Variants in OSBPL10 observed in about 807,000 individuals in gnomAD.
The protein encoded by OSBPL10 is oxysterol-binding protein-related protein 10.
Under a neutral mutation model 81.7 loss-of-function variants are expected in OSBPL10, and 49 were observed. The ratio of observed to expected loss-of-function variants is 0.60; its 90% confidence interval spans 0.48 to 0.76. The LOEUF is 0.76. OSBPL10 is among the 30% of genes least tolerant of loss of function. The pLI, the probability that OSBPL10 is intolerant of heterozygous loss-of-function variation, is 0.00. For synonymous variants in OSBPL10, 419 were observed against 383.6 expected, an observed-to-expected ratio of 1.09 and a Z score of -1.08; for missense variants, 923 against 987.8, an observed-to-expected ratio of 0.93 and a Z score of 0.88.
intron 4 of OSBPL10, among the ~76,000 whole-genome samples, chr3:31,822,959 A>C (rs1324885345): frequency 6.6e-6 from 1 of 151,826 alleles, no homozygotes; most frequent in African/African-American, 2.4e-5. Flanking sequence ...ACAATACAAT[A>C]AATACCATAC....
intron 3 of OSBPL10, among the ~76,000 whole-genome samples, chr3:31,869,006 T>C (rs1701251684): frequency 1.3e-5 from 2 of 152,206 alleles, no homozygotes; most frequent in Non-Finnish European, 2.9e-5. Flanking sequence ...GCAAAGTTGT[T>C]TTCCTTGAGG....
At chr3:31,920,568 C>T (rs1296568290) in intron 1 of OSBPL10, among the ~76,000 whole-genome samples, 2 of 152,104 alleles carry the variant, frequency 1.3e-5, no homozygotes, top group Admixed American at 6.5e-5. Context: ...CACATGTGTA[C>T]TGGAACTAAA....
At chr3:31,698,645 T>C (rs1034611671) in intron 7 of OSBPL10, among the ~76,000 whole-genome samples, 1 of 152,068 alleles carries the variant, frequency 6.6e-6, no homozygotes, top group Non-Finnish European at 1.5e-5. Flanking sequence ...TCCAACCACA[T>C]TGGCCTCATG....
At chr3:31,803,240 C>A (rs976286618) in intron 4 of OSBPL10, among the ~76,000 whole-genome samples, 1 of 152,176 alleles carries the variant, frequency 6.6e-6, no homozygotes, top group South Asian at 2.1e-4. Flanking sequence ...TTACAGCCCC[C>A]CTTCTCCCCA....
intron 1 of OSBPL10, among the ~76,000 whole-genome samples, chr3:31,885,073 TCCTGGGAAGGGCTGAGGACAAG>T (rs1439795985): frequency 1.3e-5 from 2 of 152,120 alleles, no homozygotes; most frequent in African/African-American, 2.4e-5. Flanking sequence ...GTAGGCCCCT[TCCTGGGAAGGGCTGAGGACAAG>T]CCATTGCCTA....
chr3:32,076,023 C>A (rs945006294), intron 1 of OSBPL10, among the ~76,000 whole-genome samples: 4 of 152,142 alleles, frequency 2.6e-5, no homozygotes, highest in African/African-American at 9.7e-5. Flanking sequence ...AGATCCACCC[C>A]CTGCCTGCAA....
At chr3:31,916,791 C>G (rs1490223055) in intron 1 of OSBPL10, among the ~76,000 whole-genome samples, 1 of 152,128 alleles carries the variant, frequency 6.6e-6, no homozygotes, top group Non-Finnish European at 1.5e-5. Flanking sequence ...AAATCAAAAC[C>G]AACAGGTTTT....
chr3:31,671,454 G>A (rs1700321245), intron 8 of OSBPL10, among the ~76,000 whole-genome samples: 1 of 152,176 alleles, frequency 6.6e-6, no homozygotes, highest in Non-Finnish European at 1.5e-5. Context: ...CCCACATGCA[G>A]AAGAGAGATG....
Position 31,863,944 on chromosome 3 carries a change from T to A in OSBPL10, c.537+12489A>T, listed in dbSNP as rs184185391. Among the ~76,000 whole-genome samples, 310 of 152,308 alleles carry A rather than the reference T, an allele frequency of 2.0e-3. 4 individuals are homozygous for A. Among genetic ancestry groups the A allele is most frequent in the Admixed American group, 0.018 (282 of 15,286 alleles). ...TTACTAATACTGATACTAATACTACTACTAACAGGTAAAGGAGAAGAAGAA... is the reference window on the plus strand; with the variant it reads ...TTACTAATACTGATACTAATACTACAACTAACAGGTAAAGGAGAAGAAGAA... On this transcript the variant is annotated intron_variant, in intron 3 of 11. Coordinates refer to ENST00000396556, the MANE Select transcript of OSBPL10 (RefSeq NM_017784.5).
intron 4 of OSBPL10, among the ~76,000 whole-genome samples, chr3:31,779,370 A>G (rs1253570029): frequency 1.3e-5 from 2 of 152,214 alleles, no homozygotes; most frequent in African/African-American, 4.8e-5. Flanking sequence ...AAGGAGTAGA[A>G]AAAGATATTC....
chr3:31,815,873 A>G (rs1699822356), intron 4 of OSBPL10, among the ~76,000 whole-genome samples: 1 of 152,186 alleles, frequency 6.6e-6, no homozygotes, highest in East Asian at 1.9e-4. Flanking sequence ...CTCGAGCCTT[A>G]GGGCACTTGT....
At chr3:31,756,339 C>A (rs182828063) in intron 4 of OSBPL10, among the ~76,000 whole-genome samples, 7 of 152,302 alleles carry the variant, frequency 4.6e-5, no homozygotes, top group African/African-American at 1.7e-4. Context: ...TGTCCCTCAG[C>A]CCACCCATTC....
At chr3:31,672,379 G>GGAGGGA (rs144503051) in intron 8 of OSBPL10, among the ~76,000 whole-genome samples, 2 of 118,586 alleles carry the variant, frequency 1.7e-5, no homozygotes, top group African/African-American at 3.3e-5. Context: ...GGGGCAGGAG[G>GGAGGGA]GAGGGAGAGG....
At chr3:31,953,781 A>C (rs2125449586) in intron 1 of OSBPL10, among the ~76,000 whole-genome samples, 1 of 152,350 alleles carries the variant, frequency 6.6e-6, no homozygotes, top group East Asian at 1.9e-4. Flanking sequence ...AGAGACAGCT[A>C]AACTTTCAGA....
chr3:31,760,160 A>C (rs1575526665), intron 4 of OSBPL10, among the ~76,000 whole-genome samples: 1 of 152,304 alleles, frequency 6.6e-6, no homozygotes, highest in South Asian at 2.1e-4. Flanking sequence ...TTTTCTTCAC[A>C]TTGAGTAGGC....
chr3:31,984,798 C>T (rs753061706), upstream of OSBPL10, among the ~76,000 whole-genome samples: 8 of 152,204 alleles, frequency 5.3e-5, no homozygotes, highest in Non-Finnish European at 1.0e-4. Flanking sequence ...TAGGGTTAGA[C>T]TATGAACTAA....
At chr3:31,978,938 A>C (rs1698755648) in intron 1 of OSBPL10, among the ~76,000 whole-genome samples, 1 of 152,212 alleles carries the variant, frequency 6.6e-6, no homozygotes, top group African/African-American at 2.4e-5. Context: ...TCCACTCCAA[A>C]TAACAAATCC....
chr3:31,822,118 C>G (rs1699994670), intron 4 of OSBPL10: 1 of 152,132 alleles, frequency 6.6e-6, no homozygotes, highest in Non-Finnish European at 1.5e-5. Context: ...CACACATCTC[C>G]CTCCACATAT....
At chr3:31,924,150 T>C (rs1340548323) in intron 1 of OSBPL10, among the ~76,000 whole-genome samples, 2 of 144,348 alleles carry the variant, frequency 1.4e-5, no homozygotes, top group Non-Finnish European at 3.0e-5. Flanking sequence ...ACCTGGGAGG[T>C]GGAGGTTGCA....
Sources: allele counts gnomAD v4.1 joint callset (sites outside exome capture counted in the v4.1 genomes callset), GRCh38; gene constraint gnomAD v4.1.1; transcripts MANE v1.5; gene names NCBI Gene and HGNC (gene_info 2026-07-23, HGNC 2026-07-21).